The following VPS13B variants were observed in gnomAD, a reference collection of about 807,000 sequenced individuals.
VPS13B encodes vacuolar protein sorting 13 homolog B, also known as intermembrane lipid transfer protein VPS13B.
VPS13B carries 285 observed loss-of-function variants against 426.4 expected under a neutral mutation model. That is an observed-to-expected ratio of 0.67 (90% CI 0.61 to 0.74). VPS13B has a LOEUF of 0.74. VPS13B is among the 30% of genes least tolerant of loss of function. VPS13B has a pLI of 0.00. For synonymous variants in VPS13B, 1,676 were observed against 1,676.4 expected, an observed-to-expected ratio of 1.00 and a Z score of 0.01; for missense variants, 4,537 against 4,782.6, an observed-to-expected ratio of 0.95 and a Z score of 1.51.
At chr8:99,045,756 C>T (rs1453146512) in intron 3 of VPS13B, among the ~76,000 whole-genome samples, 1 of 152,126 alleles carries the variant, frequency 6.6e-6, no homozygotes, top group African/African-American at 2.4e-5. Flanking sequence ...TTTCATTCTC[C>T]TACATGTGGC....
intron 21 of VPS13B, among the ~76,000 whole-genome samples, chr8:99,399,279 AG>A (rs929758154): frequency 6.6e-6 from 1 of 152,176 alleles, no homozygotes; most frequent in African/African-American, 2.4e-5. Flanking sequence ...TCAAAATTCA[AG>A]GGAAAAAAGT....
intron 33 of VPS13B, among the ~76,000 whole-genome samples, chr8:99,641,243 G>A (rs1437542507): frequency 6.6e-6 from 1 of 152,156 alleles, no homozygotes; most frequent in Non-Finnish European, 1.5e-5. Context: ...TGTAGTAGGA[G>A]AAAATAAACA....
intron 19 of VPS13B, among the ~76,000 whole-genome samples, chr8:99,362,227 C>T (rs1053039270): frequency 4.6e-5 from 7 of 150,890 alleles, no homozygotes; most frequent in Admixed American, 2.0e-4. Context: ...CTGCAAGCTC[C>T]GCCTCCCAGT....
chr8:99,313,667 C>A (rs1302834712), intron 19 of VPS13B, among the ~76,000 whole-genome samples: 1 of 152,126 alleles, frequency 6.6e-6, no homozygotes, highest in Admixed American at 6.5e-5. Context: ...AAACTCTGTG[C>A]TGGGAGAACC....
chr8:99,581,551 AT>A (rs1826060273), intron 33 of VPS13B, among the ~76,000 whole-genome samples: 1 of 152,094 alleles, frequency 6.6e-6, no homozygotes, highest in Non-Finnish European at 1.5e-5. Context: ...AAGTACTATA[AT>A]TTCCATGATT....
chr8:99,126,287 A>G (rs567070392), intron 8 of VPS13B, among the ~76,000 whole-genome samples: 50 of 152,274 alleles, frequency 3.3e-4, no homozygotes, highest in Middle Eastern at 3.4e-3. Flanking sequence ...GCTTTGAGGA[A>G]AGGGAAGAAG....
chr8:99,207,973 A>C (rs1006259965), intron 17 of VPS13B, among the ~76,000 whole-genome samples: 13 of 152,206 alleles, frequency 8.5e-5, no homozygotes, highest in African/African-American at 3.1e-4. Context: ...TGGCTTTAAA[A>C]ATGGACAAGA....
intron 52 of VPS13B, among the ~76,000 whole-genome samples, chr8:99,833,599 A>G (rs1001967624): frequency 6.6e-6 from 1 of 152,204 alleles, no homozygotes; most frequent in Admixed American, 6.5e-5. Flanking sequence ...CATCTTTTAC[A>G]CTGTAGAGGA....
chr8:99,204,681 A>G (rs2132769499), intron 17 of VPS13B, among the ~76,000 whole-genome samples: 1 of 152,320 alleles, frequency 6.6e-6, no homozygotes, highest in East Asian at 1.9e-4. Context: ...AACCCTATGA[A>G]AAAGTGTGCA....
intron 19 of VPS13B, among the ~76,000 whole-genome samples, chr8:99,305,817 T>A (rs1820607564): frequency 6.6e-6 from 1 of 152,116 alleles, no homozygotes; most frequent in Non-Finnish European, 1.5e-5. Flanking sequence ...AGAAATGGAC[T>A]GACATCCAGG....
At chr8:99,082,559 T>A (rs200093265) in intron 3 of VPS13B, among the ~76,000 whole-genome samples, 1 of 152,180 alleles carries the variant, frequency 6.6e-6, no homozygotes, top group Non-Finnish European at 1.5e-5. Flanking sequence ...CTGAATGGTA[T>A]TGCCTAGGTT....
At chr8:99,341,669 T>C in intron 19 of VPS13B, 1 of 334,250 alleles carries the variant, frequency 3.0e-6, no homozygotes, top group South Asian at 3.3e-5. Context: ...TGGCTGCCCA[T>C]CTATCACAGC....
Position 99,576,512 on chromosome 8 carries a change from G to C in VPS13B, c.5076+728G>C, listed in dbSNP as rs1825784165. ...AAAATTGTTTAACCAAAAAAAAAAG[G>C]ATAATTATTTCAGACATGCTGTTCT... On this transcript the variant is annotated intron_variant, in intron 32 of 61. Coordinates refer to ENST00000357162, the MANE Select transcript of VPS13B (RefSeq NM_152564.5). Among the ~76,000 whole-genome samples, 2 of 152,012 alleles carry C rather than the reference G, an allele frequency of 1.3e-5. 1 individual carries two copies. Among genetic ancestry groups the C allele is most frequent in the South Asian group, 4.2e-4 (2 of 4,816 alleles).
At chr8:99,741,217 G>A (rs1272423121) in intron 39 of VPS13B, among the ~76,000 whole-genome samples, 6 of 152,146 alleles carry the variant, frequency 3.9e-5, no homozygotes, top group Non-Finnish European at 7.4e-5. Context: ...AAGATCAAAG[G>A]ACACAAAGAA....
rs868004164 is a variant in VPS13B, at chr8:99,651,023, A to G, written c.5908+8525A>G. On this transcript the variant is annotated intron_variant, in intron 34 of 61. Transcript: ENST00000357162. ...GTATACAGTAGGATATAAATAGGCT[A>G]TAATGCAAATACCAGGTCATTTTAT... is the stretch of plus-strand genomic sequence containing the variant. Among the ~76,000 whole-genome samples the G allele has an allele frequency of 2.6e-5, 4 of 152,330 alleles. No individual in the cohort carries two copies. The South Asian group carries it at 8.3e-4, about 32-fold the overall frequency.
chr8:99,430,034 T>G (rs1410886693), intron 21 of VPS13B, among the ~76,000 whole-genome samples: 2 of 152,160 alleles, frequency 1.3e-5, no homozygotes, highest in Non-Finnish European at 2.9e-5. Flanking sequence ...CTTCAGACAT[T>G]CGTTGTTTTT....
chr8:99,075,444 A>G (rs1338797704), intron 3 of VPS13B, among the ~76,000 whole-genome samples: 3 of 152,176 alleles, frequency 2.0e-5, no homozygotes, highest in African/African-American at 7.2e-5. Context: ...TTGTAAGGAT[A>G]ATTCCAAGGG....
At chr8:99,338,082 T>C (rs1239019266) in intron 19 of VPS13B, among the ~76,000 whole-genome samples, 2 of 152,230 alleles carry the variant, frequency 1.3e-5, no homozygotes, top group African/African-American at 2.4e-5. Flanking sequence ...CCAGTTACCA[T>C]GGTCTTGTTT....
At chr8:99,819,850 T>A (rs553586222) in intron 48 of VPS13B, 71 bp from the exon 49 acceptor site, 1 of 1,572,480 alleles carries the variant, frequency 6.4e-7, no homozygotes, top group African/African-American at 1.3e-5. Flanking sequence ...GTTTGGAATC[T>A]TTAAACATAT....
Sources: allele counts gnomAD v4.1 joint callset (sites outside exome capture counted in the v4.1 genomes callset), GRCh38; gene constraint gnomAD v4.1.1; transcripts MANE v1.5; gene names NCBI Gene and HGNC (gene_info 2026-07-23, HGNC 2026-07-21).